The following ADAM19 variants were observed in gnomAD, a reference collection of about 807,000 sequenced individuals.
The protein encoded by ADAM19 is disintegrin and metalloproteinase domain-containing protein 19.
In ADAM19, 65 loss-of-function variants were observed where a neutral mutation model predicts 114.7. The observed-to-expected ratio is 0.57, with a 90% CI of 0.46 to 0.70. The LOEUF (loss-of-function observed/expected upper bound fraction) is 0.70. Among genes scored for constraint, ADAM19 ranks in the 30% least tolerant of loss-of-function variants. The probability of loss-of-function intolerance (pLI) is 0.00; values close to 1 mark genes in which losing one functional copy is unlikely to be tolerated. For missense variants in ADAM19, 1,063 were observed against 1,204.7 expected, an observed-to-expected ratio of 0.88 and a Z score of 1.74; for synonymous variants, 466 against 460.5, an observed-to-expected ratio of 1.01 and a Z score of -0.15.
chr5:157,500,497 T>C (rs2113712577), intron 12 of ADAM19, among the ~76,000 whole-genome samples: 1 of 152,326 alleles, frequency 6.6e-6, no homozygotes, highest in Admixed American at 6.5e-5. Context: ...TTTTATGTTT[T>C]GTTTTTCTAA....
At chr5:157,484,440 C>A (rs1034454893) in intron 21 of ADAM19, among the ~76,000 whole-genome samples, 2 of 152,072 alleles carry the variant, frequency 1.3e-5, no homozygotes, top group African/African-American at 2.4e-5. Flanking sequence ...CTGTCCCACC[C>A]GCAGGCCCCC....
intron 3 of ADAM19, among the ~76,000 whole-genome samples, chr5:157,561,852 G>C (rs577195172): frequency 6.6e-6 from 1 of 151,786 alleles, no homozygotes; most frequent in Non-Finnish European, 1.5e-5. Flanking sequence ...CTCCATAAAG[G>C]CTGTACTGTT....
At chr5:157,575,035 C>T (rs1757934400) in intron 1 of ADAM19, among the ~76,000 whole-genome samples, 1 of 152,236 alleles carries the variant, frequency 6.6e-6, no homozygotes, top group Admixed American at 6.5e-5. Context: ...CTCCTGCCAG[C>T]TCGGGGATCC....
At chr5:157,528,334 T>C (rs1756529992) in intron 5 of ADAM19, among the ~76,000 whole-genome samples, 1 of 152,200 alleles carries the variant, frequency 6.6e-6, no homozygotes, top group African/African-American at 2.4e-5. Context: ...CTTTCAGCAC[T>C]GCTGCTGGAA....
chr5:157,516,029 C>T (rs1032484749), intron 7 of ADAM19, among the ~76,000 whole-genome samples: 3 of 152,214 alleles, frequency 2.0e-5, no homozygotes, highest in Admixed American at 6.5e-5. Flanking sequence ...CCCCAAGGCT[C>T]TGTCTCTGCA....
rs182321823 is a variant in ADAM19, at chr5:157,575,620, C to A, written c.77G>T (p.Arg26Leu). Reference protein sequence around the residue: ...ALQPLRPRAAREPGWTRGSEE... With the variant: ...ALQPLRPRAALEPGWTRGSEE... Reference sequence around the variant, plus strand: ...CCACTTACTTGTCCATCCAGGCTCCCGCGCCGCCCGCGGCCGGAGGGGCTG... The same window carrying A: ...CCACTTACTTGTCCATCCAGGCTCCAGCGCCGCCCGCGGCCGGAGGGGCTG... The change falls in exon 1 of 23, where the codon CGG becomes CTG. Residue 26 changes from arginine (R) to leucine (L), a missense_variant. Arg to Leu is a moderately radical substitution (Grantham distance 102). This residue lies in a region of ADAM19 where 615 missense variants were observed against 706.3 expected (regional missense o/e 0.87). Coordinates refer to ENST00000257527, the MANE Select transcript of ADAM19 (RefSeq NM_033274.5). 1,359 of 1,446,286 alleles carry A rather than the reference C, an allele frequency of 9.4e-4. 12 individuals are homozygous for A. The African/African-American group carries it at 0.016, about 18-fold the overall frequency. 89.6% of individuals were successfully genotyped at this position (1,446,286 alleles called of 1,614,324 possible). A position where few individuals can be genotyped will look rare whatever the true frequency, so the allele number is the denominator to read the frequency against.
chr5:157,499,291 A>C (rs1210998647), intron 13 of ADAM19, among the ~76,000 whole-genome samples: 1 of 152,190 alleles, frequency 6.6e-6, no homozygotes, highest in Non-Finnish European at 1.5e-5. Context: ...GAGCTCAATA[A>C]AATCAAGCCC....
At chr5:157,521,007 T>A (rs1756270980) in intron 5 of ADAM19, among the ~76,000 whole-genome samples, 3 of 152,188 alleles carry the variant, frequency 2.0e-5, no homozygotes, top group Admixed American at 2.0e-4. Flanking sequence ...ACACACCAAG[T>A]GCCTACCCTT....
At chr5:157,561,927 A>T (rs75184603) in intron 3 of ADAM19, among the ~76,000 whole-genome samples, 1 of 136,870 alleles carries the variant, frequency 7.3e-6, no homozygotes, top group Non-Finnish European at 1.5e-5. Flanking sequence ...CACGTAGATT[A>T]AAAAAAAAAA....
intron 15 of ADAM19, 106 bp downstream of exon 15, chr5:157,494,581 G>C (rs1755293792): frequency 1.4e-5 from 12 of 831,510 alleles, no homozygotes; most frequent in Non-Finnish European, 2.0e-6. Flanking sequence ...TTGACGTAAA[G>C]GTGCAGCTCT....
At chr5:157,484,626 C>A (rs1003076030) in intron 21 of ADAM19, among the ~76,000 whole-genome samples, 2 of 152,206 alleles carry the variant, frequency 1.3e-5, no homozygotes, top group African/African-American at 4.8e-5. Flanking sequence ...CAAGAAGCTT[C>A]ATGGAATCAG....
At chr5:157,524,695 C>T (rs1356786613) in intron 5 of ADAM19, among the ~76,000 whole-genome samples, 1 of 152,194 alleles carries the variant, frequency 6.6e-6, no homozygotes, top group African/African-American at 2.4e-5. Context: ...AGGTCATGTA[C>T]TTTCTCAAGG....
rs371859881 is a variant in ADAM19 at position 157,492,265 on chromosome 5, CT to C, written c.1909-354del. ...CGAGATTGTACCACTGCATTCCAGC[CT>C]GGGTGACAGAGCAAGACTCCATCTT... On this transcript the variant is annotated intron_variant, in intron 16 of 22. Transcript: ENST00000257527. 4.7e-3 allele frequency among the ~76,000 whole-genome samples: 721 copies of C among 152,228 alleles called. 7 individuals are homozygous for C. The highest frequency in any genetic ancestry group is 0.016 in the African/African-American group (664 of 41,518).
chr5:157,547,327 C>A (rs552471394), intron 3 of ADAM19, among the ~76,000 whole-genome samples: 1 of 152,168 alleles, frequency 6.6e-6, no homozygotes, highest in African/African-American at 2.4e-5. Context: ...AATGTATCCC[C>A]GCAAAAGCCT....
chr5:157,491,694 G>A lies in ADAM19; in HGVS notation c.2016C>T (p.Cys672=), dbSNP rs1019568928. The A allele has an allele frequency of 2.4e-5, 38 of 1,586,796 alleles. No homozygotes were observed. The highest frequency in any genetic ancestry group is 3.2e-5 in the Non-Finnish European group (37 of 1,165,126). The part of the protein sequence containing the change: ...GVCNNNQNCH[C]LPGWAPPFCN... ...AGAAGGGCGGGGCCCAGCCCGGCAGGCAGTGGCAGTTCTGGTTGTTGTTAC... is the reference window on the plus strand; with the variant it reads ...AGAAGGGCGGGGCCCAGCCCGGCAGACAGTGGCAGTTCTGGTTGTTGTTAC... Residue 672 remains cysteine (C), a synonymous_variant, in exon 18 of 23, where the codon TGC becomes TGT. Coordinates refer to ENST00000257527, the MANE Select transcript of ADAM19 (RefSeq NM_033274.5).
intron 4 of ADAM19, 24 bp downstream of exon 4, chr5:157,537,889 A>C: frequency 4.4e-6 from 7 of 1,598,234 alleles, no homozygotes; most frequent in Middle Eastern, 1.7e-4. Context: ...GCTGCTGGAT[A>C]GACATTTGTT....
chr5:157,506,110 ATTC>A (rs1442748882), intron 10 of ADAM19, among the ~76,000 whole-genome samples: 2 of 152,210 alleles, frequency 1.3e-5, no homozygotes, highest in Non-Finnish European at 2.9e-5. Context: ...ATTTTTCCCC[ATTC>A]TTCTTCTGAA....
Position 157,563,894 on chromosome 5 carries a change from C to T in ADAM19, c.251+479G>A, listed in dbSNP as rs11465268. 3.0e-3 allele frequency among the ~76,000 whole-genome samples: 464 copies of T among 152,300 alleles called. 4 individuals carry two copies. Among genetic ancestry groups the T allele is most frequent in the African/African-American group, 0.011 (440 of 41,568 alleles). ...TAGCCAGGAGACTGTTGACGATGCC[C>T]TGTTGACAAAATCTCAGATGCGGCT... is the stretch of plus-strand genomic sequence containing the variant. On this transcript the variant is annotated intron_variant, in intron 3 of 22. Coordinates refer to ENST00000257527, the MANE Select transcript of ADAM19 (RefSeq NM_033274.5).
rs776959353 is a variant in ADAM19 at position 157,564,863 on chromosome 5, T to C, written c.181-420A>G. Among the ~76,000 whole-genome samples, 10 of 152,280 alleles carry C rather than the reference T, an allele frequency of 6.6e-5. No individual in the cohort carries two copies. The East Asian group carries it at 1.7e-3, about 26-fold the overall frequency. On this transcript the variant is annotated intron_variant, in intron 2 of 22. Transcript: ENST00000257527. ...TTCATGTATGATACAGAGATAGTAA[T>C]AGTCAATTTGATGGGGATCTTGTAA...
Sources: allele counts gnomAD v4.1 joint callset (sites outside exome capture counted in the v4.1 genomes callset), GRCh38; gene constraint gnomAD v4.1.1; regional missense constraint gnomAD v4.1.1; transcripts MANE v1.5; gene names NCBI Gene and HGNC (gene_info 2026-07-23, HGNC 2026-07-21).